Variants in SETD5 observed in about 807,000 individuals in gnomAD.
SETD5 encodes SET domain containing 5.
A neutral mutation model predicts 153.3 loss-of-function variants in SETD5; 44 were observed. The ratio of observed to expected loss-of-function variants is 0.29; its 90% CI spans 0.23 to 0.37. The LOEUF is 0.37. Among genes scored for constraint, SETD5 ranks in the 10% least tolerant of loss-of-function variants. The probability of loss-of-function intolerance (pLI) is 1.00; values close to 1 mark genes in which losing one functional copy is unlikely to be tolerated. For synonymous variants in SETD5, 716 were observed against 645.2 expected (o/e 1.11, Z -1.66); for missense variants, 1,544 against 1,768.0 (o/e 0.87, Z 2.27).
intron 11 of SETD5, among the ~76,000 whole-genome samples, chr3:9,444,729 G>A (rs1476498268): frequency 2.0e-5 from 3 of 151,498 alleles, no homozygotes; most frequent in African/African-American, 4.9e-5. Context: ...CGTCTCTGCC[G>A]AAAATAAAAA....
intron 1 of SETD5, among the ~76,000 whole-genome samples, chr3:9,406,251 A>G (rs1464991688): frequency 6.6e-6 from 1 of 152,220 alleles, no homozygotes; most frequent in Admixed American, 6.5e-5. Flanking sequence ...TCTAAAGACA[A>G]AAGAGTTTAA....
intron 1 of SETD5, among the ~76,000 whole-genome samples, chr3:9,422,271 A>C (rs2038524453): frequency 6.6e-6 from 1 of 152,326 alleles, no homozygotes; most frequent in East Asian, 1.9e-4. Context: ...TGTTATCAGC[A>C]TACCTTATAT....
chr3:9,445,367 G>A, intron 12 of SETD5, 67 bp downstream of exon 12: 1 of 1,544,132 alleles, frequency 6.5e-7, no homozygotes, highest in Non-Finnish European at 8.8e-7. Flanking sequence ...AACCCGGGTT[G>A]CCGCATGGTT....
intron 13 of SETD5, among the ~76,000 whole-genome samples, chr3:9,446,014 G>A (rs1305764838): frequency 9.5e-5 from 13 of 136,846 alleles, no homozygotes; most frequent in South Asian, 6.7e-4. Context: ...TCCGCTGGGC[G>A]CGGTGGCTCA....
intron 9 of SETD5, 33 bp from the exon 10 acceptor site, chr3:9,442,095 T>G: frequency 6.9e-7 from 1 of 1,450,714 alleles, no homozygotes; most frequent in Non-Finnish European, 9.6e-7. Context: ...TTATTTGTGT[T>G]GAGAATTACA....
At chr3:9,458,885 T>C (rs1165122294) in intron 17 of SETD5, among the ~76,000 whole-genome samples, 1 of 152,146 alleles carries the variant, frequency 6.6e-6, no homozygotes, top group African/African-American at 2.4e-5. Context: ...GCAAAAGTAA[T>C]TGCGTTTTTG....
At chr3:9,413,630 T>C (rs970725503) in intron 1 of SETD5, among the ~76,000 whole-genome samples, 1 of 138,170 alleles carries the variant, frequency 7.2e-6, no homozygotes, top group Admixed American at 7.3e-5. Flanking sequence ...TTCTAGCTTC[T>C]TCGGGTGGGG....
At chr3:9,431,143 A>G (rs1482967966) in intron 3 of SETD5, 2 of 985,364 alleles carry the variant, frequency 2.0e-6, no homozygotes, top group African/African-American at 1.7e-5. Flanking sequence ...GATGGCAACT[A>G]TATGCAATAC....
chr3:9,401,495 G>A (rs1399615128), intron 1 of SETD5, among the ~76,000 whole-genome samples: 6 of 152,010 alleles, frequency 3.9e-5, no homozygotes, highest in Non-Finnish European at 7.4e-5. Context: ...ATACTGTTTT[G>A]TGTCCAGGAA....
Position 9,448,118 on chromosome 3 carries a change from G to T in SETD5, c.2103+112G>T. The T allele has an allele frequency of 4.7e-6, 6 of 1,267,236 alleles. No homozygotes were observed. In the South Asian group the frequency reaches 7.9e-5, roughly 17 times the overall value. 78.5% of individuals were successfully genotyped at this position (1,267,236 alleles called of 1,614,324 possible). ...TAATCTCAATATTACTAGATTGAAA[G>T]TTCTAAAATGCTTTGACACAAAAGG... On this transcript the variant is annotated intron_variant, in intron 15 of 22. Coordinates refer to ENST00000402198, the MANE Select transcript of SETD5 (RefSeq NM_001080517.3).
intron 1 of SETD5, among the ~76,000 whole-genome samples, chr3:9,410,664 A>G (rs1243829719): frequency 6.6e-6 from 1 of 152,154 alleles, no homozygotes; most frequent in Non-Finnish European, 1.5e-5. Context: ...GAATTTTCAG[A>G]GTGATGTTTT....
chr3:9,432,795 G>A (rs191457769), intron 3 of SETD5, among the ~76,000 whole-genome samples: 9 of 152,142 alleles, frequency 5.9e-5, no homozygotes, highest in Admixed American at 4.6e-4. Flanking sequence ...AATACATTGC[G>A]CTTGAATAGT....
chr3:9,470,340 C>G, intron 18 of SETD5, 119 bp from the exon 19 acceptor site: 1 of 751,204 alleles, frequency 1.3e-6, no homozygotes, highest in Admixed American at 2.4e-5. Context: ...GCTTTATCTG[C>G]TCTACTTCCG....
intron 3 of SETD5, chr3:9,429,876 G>A (rs2039768771): frequency 2.3e-6 from 3 of 1,303,834 alleles, no homozygotes; most frequent in Admixed American, 4.6e-5. Flanking sequence ...CACTACACCA[G>A]GATGTGAAAG....
intron 1 of SETD5, among the ~76,000 whole-genome samples, chr3:9,414,495 G>A (rs1228982815): frequency 2.6e-5 from 4 of 152,140 alleles, no homozygotes; most frequent in Non-Finnish European, 4.4e-5. Flanking sequence ...AGGTGAAAGG[G>A]CCTTTCTAGA....
At chr3:9,412,422 A>G (rs1193635273) in intron 1 of SETD5, among the ~76,000 whole-genome samples, 11 of 122,238 alleles carry the variant, frequency 9.0e-5, no homozygotes. Flanking sequence ...TTTTTTAAAG[A>G]GACAAGGTCC....
chr3:9,412,457 C>CA (rs1405384486), intron 1 of SETD5, among the ~76,000 whole-genome samples: 1 of 133,588 alleles, frequency 7.5e-6, no homozygotes, highest in Non-Finnish European at 1.5e-5. Context: ...GGCTAGAGTG[C>CA]AGTAGCACAA....
chr3:9,468,745 C>T (rs2044931137), intron 18 of SETD5, among the ~76,000 whole-genome samples: 1 of 151,870 alleles, frequency 6.6e-6, no homozygotes, highest in South Asian at 2.1e-4. Context: ...ACTGTGACTA[C>T]ACAGGACTGT....
Position 9,445,150 on chromosome 3 carries a change from A to T in SETD5, c.1290A>T (p.Pro430=). Residue 430 remains proline (P), a synonymous_variant, in exon 12 of 23, where the codon CCA becomes CCT. Coordinates refer to ENST00000402198, the MANE Select transcript of SETD5 (RefSeq NM_001080517.3). The part of the protein sequence containing the change: ...ATELPLLPPP[P]SLPTIGAETR... The stretch of plus-strand genomic sequence containing the variant: ...AACTGCCACTCCTACCACCTCCTCC[A>T]AGCCTACCCACCATTGGAGCAGAGA... 1 of 1,614,024 alleles carries T rather than the reference A, an allele frequency of 6.2e-7. No individual in the cohort carries two copies. Among genetic ancestry groups the T allele is most frequent in the Admixed American group, 1.7e-5 (1 of 60,020 alleles).
Sources: gnomAD v4.1 joint callset for allele counts (sites outside exome capture counted in the v4.1 genomes callset) on GRCh38, gnomAD v4.1.1 for gene constraint, MANE v1.5 for transcripts, NCBI Gene and HGNC (gene_info 2026-07-23, HGNC 2026-07-21) for gene names.